Variants in COP1 observed in about 807,000 individuals in gnomAD.
COP1 encodes the protein COP1 E3 ubiquitin ligase.
Under a neutral mutation model 101.3 loss-of-function variants are expected in COP1, and 24 were observed. The ratio of observed to expected loss-of-function variants is 0.24; its 90% CI spans 0.17 to 0.33. COP1 has a LOEUF of 0.33. Ranked by LOEUF, COP1 falls within the 10% of genes least tolerant of loss-of-function variation. The pLI is 1.00. For missense variants in COP1, 663 were observed against 906.2 expected (o/e 0.73, Z 3.45); for synonymous variants, 347 against 341.9 (o/e 1.01, Z -0.17).
intron 15 of COP1, among the ~76,000 whole-genome samples, chr1:175,990,431 A>T (rs896432269): frequency 6.6e-6 from 1 of 152,096 alleles, no homozygotes; most frequent in African/African-American, 2.4e-5. Flanking sequence ...ACTGTTACTA[A>T]CACTTGCTTG....
At chr1:176,183,740 G>GTA (rs967304264) in intron 2 of COP1, among the ~76,000 whole-genome samples, 1 of 152,100 alleles carries the variant, frequency 6.6e-6, no homozygotes, top group East Asian at 1.9e-4. Flanking sequence ...ACAAAATGTA[G>GTA]TATATATATA....
intron 18 of COP1, among the ~76,000 whole-genome samples, chr1:175,948,776 G>C (rs1649487653): frequency 6.6e-6 from 1 of 152,102 alleles, no homozygotes; most frequent in Non-Finnish European, 1.5e-5. Flanking sequence ...AAAGATTATA[G>C]GTGTATCAAG....
chr1:176,120,785 A>G (rs893660039), intron 8 of COP1, among the ~76,000 whole-genome samples: 4 of 152,214 alleles, frequency 2.6e-5, no homozygotes, highest in Admixed American at 6.5e-5. Flanking sequence ...AGAGAAAACA[A>G]TGGTTCACTC....
At chr1:176,130,753 T>C (rs1688748356) in intron 8 of COP1, among the ~76,000 whole-genome samples, 1 of 151,600 alleles carries the variant, frequency 6.6e-6, no homozygotes, top group South Asian at 2.1e-4. Context: ...TTATTATATA[T>C]AAATACATAA....
At chr1:176,147,151 T>C (rs1414534340) in intron 6 of COP1, among the ~76,000 whole-genome samples, 2 of 152,196 alleles carry the variant, frequency 1.3e-5, no homozygotes, top group Non-Finnish European at 2.9e-5. Context: ...AGTTCAAGTA[T>C]ATAAACCATA....
At chr1:176,201,219 A>G (rs1343134513) in intron 1 of COP1, among the ~76,000 whole-genome samples, 2 of 152,118 alleles carry the variant, frequency 1.3e-5, no homozygotes, top group Non-Finnish European at 2.9e-5. Context: ...CTAAAATCCA[A>G]AACACTTCTG....
chr1:176,154,980 C>G (rs1470989303), intron 5 of COP1, among the ~76,000 whole-genome samples: 1 of 151,880 alleles, frequency 6.6e-6, no homozygotes, highest in Non-Finnish European at 1.5e-5. Context: ...ATCCTTGAAA[C>G]AATTTCAGAA....
chr1:176,141,247 A>G (rs898734316), intron 6 of COP1, among the ~76,000 whole-genome samples: 14 of 152,312 alleles, frequency 9.2e-5, no homozygotes, highest in African/African-American at 3.4e-4. Flanking sequence ...CACGCCTGTA[A>G]GCCCAACACT....
At chr1:175,946,899 A>AT (rs887365054) in intron 19 of COP1, among the ~76,000 whole-genome samples, 2 of 152,236 alleles carry the variant, frequency 1.3e-5, no homozygotes, top group African/African-American at 4.8e-5. Flanking sequence ...TTGTACTGGC[A>AT]TAACAGAAGC....
intron 14 of COP1, among the ~76,000 whole-genome samples, chr1:176,041,929 T>C (rs1670619823): frequency 6.6e-6 from 1 of 152,014 alleles, no homozygotes; most frequent in Non-Finnish European, 1.5e-5. Flanking sequence ...CTGGCCAATA[T>C]GGTAAAACCC....
intron 18 of COP1, among the ~76,000 whole-genome samples, chr1:175,976,358 A>T (rs1654598319): frequency 7.6e-6 from 1 of 131,668 alleles, no homozygotes; most frequent in Admixed American, 9.8e-5. Flanking sequence ...GCTCACTGCA[A>T]CCTACACCTC....
Position 176,100,156 on chromosome 1 carries a change from G to A in COP1, c.1027-14266C>T, listed in dbSNP as rs186950162. 764 of 158,640 alleles carry A rather than the reference G, an allele frequency of 4.8e-3. 6 individuals are homozygous for A. Among genetic ancestry groups the A allele is most frequent in the African/African-American group, 0.018 (744 of 41,560 alleles). The allele number at this position is 158,640 out of a possible 1,614,324, so 9.8% of individuals were successfully genotyped here. ...TGTAATCCTAGCACTTTGGGAGGCC[G>A]AGGCAGGTGTATCACCTGAGGTCAG... On this transcript the variant is annotated intron_variant, in intron 9 of 19. Coordinates refer to ENST00000367669, the MANE Select transcript of COP1 (RefSeq NM_022457.7).
At chr1:176,020,094 C>A (rs1283435193) in intron 15 of COP1, among the ~76,000 whole-genome samples, 1 of 151,404 alleles carries the variant, frequency 6.6e-6, no homozygotes, top group Non-Finnish European at 1.5e-5. Context: ...GGGCAGATCA[C>A]AAGGTCAGGA....
intron 15 of COP1, among the ~76,000 whole-genome samples, chr1:176,005,246 CTTCT>C (rs1317009776): frequency 6.6e-6 from 1 of 151,888 alleles, no homozygotes; most frequent in Non-Finnish European, 1.5e-5. Flanking sequence ...TCTCTCTTTT[CTTCT>C]TTATTAGTCT....
intron 9 of COP1, among the ~76,000 whole-genome samples, chr1:176,090,179 G>A (rs1681006653): frequency 6.6e-6 from 1 of 152,128 alleles, no homozygotes; most frequent in African/African-American, 2.4e-5. Flanking sequence ...CTGAATCCAT[G>A]TGTGACCTGT....
intron 15 of COP1, among the ~76,000 whole-genome samples, chr1:175,995,263 T>A (rs962417341): frequency 3.9e-5 from 6 of 152,204 alleles, no homozygotes; most frequent in Non-Finnish European, 8.8e-5. Flanking sequence ...GAGGGAAATT[T>A]ATAGCACTAA....
rs553076462 is a variant in COP1, at chr1:175,967,303, C to T, written c.2133+19640G>A. On this transcript the variant is annotated intron_variant, in intron 18 of 19. Coordinates refer to ENST00000367669, the MANE Select transcript of COP1 (RefSeq NM_022457.7). ...ATGGGACTACTGGCGTGAGCCACCG[C>T]GCCGTTGAAAGCTCATCTCTACTAA... 9.9e-5 allele frequency among the ~76,000 whole-genome samples: 15 copies of T among 152,152 alleles called. No individual in the cohort carries two copies. The South Asian group carries it at 1.5e-3, about 15-fold the overall frequency.
At chr1:176,116,532 G>T (rs1002626803) in intron 9 of COP1, 92 bp downstream of exon 9, 5 of 1,029,994 alleles carry the variant, frequency 4.9e-6, no homozygotes, top group Non-Finnish European at 7.4e-6. Context: ...GGTTGTCTTT[G>T]TGACAGGACA....
chr1:176,184,504 A>G, intron 2 of COP1, 129 bp downstream of exon 2: 1 of 686,112 alleles, frequency 1.5e-6, no homozygotes, highest in Non-Finnish European at 2.5e-6. Context: ...CTACAAAGAC[A>G]TGTCAAGAAA....
Sources: allele counts gnomAD v4.1 joint callset (sites outside exome capture counted in the v4.1 genomes callset), GRCh38; gene constraint gnomAD v4.1.1; transcripts MANE v1.5; gene names NCBI Gene and HGNC (gene_info 2026-07-23, HGNC 2026-07-21).